Variants in MAN1C1 observed in about 807,000 individuals in gnomAD.
The protein encoded by MAN1C1 is mannosyl-oligosaccharide 1,2-alpha-mannosidase IC.
A neutral mutation model predicts 71.5 loss-of-function variants in MAN1C1; 49 were observed. That is an observed-to-expected ratio of 0.69 (90% CI 0.54 to 0.87). MAN1C1 has a LOEUF of 0.87. Among genes scored for constraint, MAN1C1 ranks in the 40% least tolerant of loss-of-function variants. The pLI is 0.00. For missense variants in MAN1C1, 743 were observed against 835.0 expected, an observed-to-expected ratio of 0.89 and a Z score of 1.36; for synonymous variants, 352 against 343.7, an observed-to-expected ratio of 1.02 and a Z score of -0.27.
Position 25,780,957 on chromosome 1 carries a change from G to T in MAN1C1, c.1495G>T (p.Glu499Ter). The change falls in exon 10 of 12, where the codon GAG becomes TAG. Residue 499 changes from glutamate (E) to a stop codon, truncating the protein, a stop_gained. Transcript: ENST00000374332. LOFTEE classifies it high-confidence loss of function. ...TTCCCCAGACACCAAACTTGGGCCT[G>T]AGGCCTTCTGGTTTAACTCCGGCAG... Reference protein sequence around the residue: ...YARSDTKLGPEAFWFNSGREA... With the variant: ...YARSDTKLGP 6.2e-7 allele frequency: 1 copy of T among 1,614,112 alleles called. No homozygotes were observed. The highest frequency in any genetic ancestry group is 8.5e-7 in the Non-Finnish European group (1 of 1,179,976).
chr1:25,734,722 C>T (rs928308855), intron 2 of MAN1C1, among the ~76,000 whole-genome samples: 1 of 152,174 alleles, frequency 6.6e-6, no homozygotes, highest in Non-Finnish European at 1.5e-5. Context: ...TCCTTCACTC[C>T]GCAGATCCCA....
At chr1:25,674,283 C>T (rs1295250395) in intron 1 of MAN1C1, among the ~76,000 whole-genome samples, 4 of 152,186 alleles carry the variant, frequency 2.6e-5, no homozygotes, top group Admixed American at 6.5e-5. Context: ...CCCAGGCATC[C>T]TCCTTAATCC....
At chr1:25,655,068 T>C (rs907791924) in intron 1 of MAN1C1, among the ~76,000 whole-genome samples, 2 of 152,238 alleles carry the variant, frequency 1.3e-5, no homozygotes, top group African/African-American at 4.8e-5. Context: ...AACCATCATG[T>C]GTGCTTGTGC....
chr1:25,687,692 C>T (rs2046252593), intron 2 of MAN1C1, among the ~76,000 whole-genome samples: 1 of 152,176 alleles, frequency 6.6e-6, no homozygotes, highest in South Asian at 2.1e-4. Context: ...CCAGTCAGAT[C>T]GTCACCTGTC....
At chr1:25,666,560 C>T (rs2045927440) in intron 1 of MAN1C1, among the ~76,000 whole-genome samples, 1 of 152,172 alleles carries the variant, frequency 6.6e-6, no homozygotes, top group Non-Finnish European at 1.5e-5. Flanking sequence ...TAGAAGCCAT[C>T]CTCCTTAGAA....
chr1:25,696,476 T>A (rs2038100), intron 2 of MAN1C1, among the ~76,000 whole-genome samples: 35,317 of 152,004 alleles, frequency 0.23, 6,832 homozygotes, highest in African/African-American at 0.53. Context: ...CTACATTAAA[T>A]TGCACAAATC....
intron 1 of MAN1C1, among the ~76,000 whole-genome samples, chr1:25,656,753 G>A (rs1305900379): frequency 6.6e-6 from 1 of 152,060 alleles, no homozygotes; most frequent in African/African-American, 2.4e-5. Context: ...TAGCTGTTCA[G>A]GTTTGCTATT....
intron 1 of MAN1C1, among the ~76,000 whole-genome samples, chr1:25,683,044 A>T (rs2046177114): frequency 6.6e-6 from 1 of 152,080 alleles, no homozygotes; most frequent in East Asian, 1.9e-4. Flanking sequence ...TCTCAAAAAA[A>T]AAAAAAAAAG....
At chr1:25,726,893 T>TA (rs530911352) in intron 2 of MAN1C1, among the ~76,000 whole-genome samples, 2,399 of 127,198 alleles carry the variant, frequency 0.019, 58 homozygotes, top group African/African-American at 0.053. Context: ...TCATCTCTAT[T>TA]AAAAAAAAAA....
chr1:25,660,007 A>G (rs1008161289), intron 1 of MAN1C1, among the ~76,000 whole-genome samples: 2 of 152,212 alleles, frequency 1.3e-5, no homozygotes, highest in African/African-American at 4.8e-5. Context: ...TGTTTGCCAC[A>G]GAAATTGGCA....
chr1:25,734,891 G>A (rs1342021006), intron 2 of MAN1C1, among the ~76,000 whole-genome samples: 1 of 152,248 alleles, frequency 6.6e-6, no homozygotes, highest in East Asian at 1.9e-4. Flanking sequence ...GTTCAGAGGA[G>A]AAAAACCTCA....
chr1:25,771,802 C>T (rs372915908), intron 8 of MAN1C1, 30 bp downstream of exon 8: 57 of 1,552,836 alleles, frequency 3.7e-5, no homozygotes, highest in Admixed American at 2.5e-4. Flanking sequence ...ATTCACAGGC[C>T]GCTGGTCACC....
rs1375031747 is a variant in MAN1C1 at position 25,771,784 on chromosome 1, C to G, written c.1257+12C>G. ...ACGAAGCCTTGGAGGTAAGACAAGCCCTGGATTATTCACAGGCCGCTGGTC... is the reference window on the plus strand; with the variant it reads ...ACGAAGCCTTGGAGGTAAGACAAGCGCTGGATTATTCACAGGCCGCTGGTC... On this transcript the variant is annotated intron_variant, in intron 8 of 11. Coordinates refer to ENST00000374332, the MANE Select transcript of MAN1C1 (RefSeq NM_020379.4). 1 of 1,599,718 alleles carries G rather than the reference C, an allele frequency of 6.3e-7. No individual in the cohort carries two copies. The highest frequency in any genetic ancestry group is 1.1e-5 in the South Asian group (1 of 90,816).
intron 2 of MAN1C1, among the ~76,000 whole-genome samples, chr1:25,710,493 G>T (rs530935492): frequency 1.1e-4 from 16 of 152,214 alleles, no homozygotes; most frequent in Non-Finnish European, 2.2e-4. Context: ...TATTGAACAT[G>T]TACTGTGTGC....
At chr1:25,643,377 C>T (rs2045563791) in intron 1 of MAN1C1, among the ~76,000 whole-genome samples, 1 of 150,352 alleles carries the variant, frequency 6.7e-6, no homozygotes, top group Admixed American at 6.6e-5. Flanking sequence ...GCCTCAGCCT[C>T]CTGAGTAGCT....
chr1:25,627,804 G>A (rs891695077), intron 1 of MAN1C1, among the ~76,000 whole-genome samples: 2 of 151,704 alleles, frequency 1.3e-5, no homozygotes, highest in Admixed American at 6.6e-5. Flanking sequence ...AGGCCAAGAT[G>A]GGTGAATCGA....
chr1:25,771,691 T>A lies in MAN1C1; in HGVS notation c.1176T>A (p.Phe392Leu), dbSNP rs776764678. ...HVSVGGLGDS[F>L]YEYLIKSWLM... is the part of the protein sequence containing the mutation. ...CAGTTGGAGGACTCGGGGACAGTTT[T>A]TATGAATATTTGATCAAATCCTGGT... is the stretch of plus-strand genomic sequence containing the variant. The change falls in exon 8 of 12, where the codon TTT (phenylalanine) becomes TTA (leucine). Residue 392 changes from phenylalanine (F) to leucine (L), a missense_variant. Phe to Leu is a conservative substitution (Grantham distance 22, BLOSUM62 0). Transcript: ENST00000374332. The A allele has an allele frequency of 6.2e-7, 1 of 1,614,198 alleles. No individual in the cohort carries two copies. The highest frequency in any genetic ancestry group is 8.5e-7 in the Non-Finnish European group (1 of 1,180,004).
intron 2 of MAN1C1, among the ~76,000 whole-genome samples, chr1:25,738,342 C>A (rs909500773): frequency 6.6e-6 from 1 of 152,102 alleles, no homozygotes; most frequent in Non-Finnish European, 1.5e-5. Flanking sequence ...GGGTTTTATG[C>A]CGCCAGAAGA....
intron 2 of MAN1C1, among the ~76,000 whole-genome samples, chr1:25,738,677 G>A (rs568939323): frequency 2.8e-4 from 43 of 152,294 alleles, no homozygotes; most frequent in African/African-American, 8.9e-4. Context: ...TGAGTCATGC[G>A]TTGCAATTGA....
Sources: gnomAD v4.1 joint callset for allele counts (sites outside exome capture counted in the v4.1 genomes callset) on GRCh38, gnomAD v4.1.1 for gene constraint, MANE v1.5 for transcripts, NCBI Gene and HGNC (gene_info 2026-07-23, HGNC 2026-07-21) for gene names.